The following MAGI2 variants were observed in gnomAD, a reference collection of about 807,000 sequenced individuals.
The protein encoded by MAGI2 is membrane-associated guanylate kinase, WW and PDZ domain-containing protein 2.
MAGI2 carries 35 observed loss-of-function variants against 133.3 expected under a neutral mutation model. The observed-to-expected ratio is 0.26, with a 90% CI of 0.20 to 0.35. The LOEUF is 0.35. MAGI2 is among the 10% of genes least tolerant of loss of function. MAGI2 has a pLI of 1.00. For synonymous variants in MAGI2, 729 were observed against 710.6 expected (o/e 1.03, Z -0.41); for missense variants, 1,636 against 1,863.4 (o/e 0.88, Z 2.25).
chr7:78,592,719 C>T (rs964309968), intron 3 of MAGI2, among the ~76,000 whole-genome samples: 5 of 151,518 alleles, frequency 3.3e-5, no homozygotes, highest in African/African-American at 7.3e-5. Context: ...GGAGGGAATG[C>T]GTGTCCATGA....
chr7:79,367,875 A>ATATATATATATATATATATG lies in MAGI2; in HGVS notation c.301+85144_301+85145insCATATATATATATATATATA, dbSNP rs1342246318. ...ATATGTGACATATATATATATATATATGTCATTGACTGGTCAGTCTTCTTC... is the reference window on the plus strand; with the variant it reads ...ATATGTGACATATATATATATATATATATATATATATATATATATGTGTCATTGACTGGTCAGTCTTCTTC... On this transcript the variant is annotated intron_variant, in intron 1 of 21. Coordinates refer to ENST00000354212, the MANE Select transcript of MAGI2 (RefSeq NM_012301.4). 4.7e-3 allele frequency among the ~76,000 whole-genome samples: 568 copies of ATATATATATATATATATATG among 121,968 alleles called. 40 individuals are homozygous for ATATATATATATATATATATG. The highest frequency in any genetic ancestry group is 6.2e-3 in the African/African-American group (178 of 28,836). The allele number at this position is 121,968 out of a possible 152,430, so 80.0% of individuals were successfully genotyped here.
At chr7:78,851,305 A>C (rs74622973) in intron 2 of MAGI2, among the ~76,000 whole-genome samples, 158 of 152,196 alleles carry the variant, frequency 1.0e-3, no homozygotes, top group African/African-American at 3.7e-3. Context: ...CTAAATGTCA[A>C]GGGCTTTAAG....
intron 2 of MAGI2, chr7:78,771,020 T>G (rs1208266981): frequency 1.3e-5 from 2 of 152,228 alleles, no homozygotes; most frequent in Non-Finnish European, 2.9e-5. Context: ...TCAACATGGA[T>G]GTCTAGAATT....
chr7:78,738,704 A>T (rs1406474854), intron 2 of MAGI2, among the ~76,000 whole-genome samples: 1 of 152,192 alleles, frequency 6.6e-6, no homozygotes, highest in Non-Finnish European at 1.5e-5. Context: ...GCTCAACTTC[A>T]ATATTGAGAA....
chr7:79,345,411 A>C (rs1391827289), intron 1 of MAGI2, among the ~76,000 whole-genome samples: 2 of 152,040 alleles, frequency 1.3e-5, no homozygotes, highest in Non-Finnish European at 2.9e-5. Context: ...TGATCTTGAA[A>C]TTCTGTTCTC....
intron 1 of MAGI2, among the ~76,000 whole-genome samples, chr7:79,072,524 A>G (rs1366679446): frequency 1.3e-5 from 2 of 152,186 alleles, no homozygotes; most frequent in Admixed American, 6.5e-5. Flanking sequence ...GAAGACTACT[A>G]TGTGGTTGAT....
rs371379968 is a variant in MAGI2, at chr7:78,716,634, T to C, written c.419-89395A>G. On this transcript the variant is annotated intron_variant, in intron 2 of 21. Coordinates refer to ENST00000354212, the MANE Select transcript of MAGI2 (RefSeq NM_012301.4). ...TTCAGAAAAGTGTGGTACATTCACA[T>C]TGCTGAGCACGCTGATTTTTATGGA... 9.5e-4 allele frequency among the ~76,000 whole-genome samples: 144 copies of C among 152,336 alleles called. 2 individuals carry two copies. The highest frequency in any genetic ancestry group is 3.1e-3 in the African/African-American group (130 of 41,576).
At chr7:78,985,295 T>G (rs1805157491) in intron 2 of MAGI2, among the ~76,000 whole-genome samples, 2 of 152,140 alleles carry the variant, frequency 1.3e-5, no homozygotes, top group African/African-American at 4.8e-5. Flanking sequence ...TACTTCAGTA[T>G]ATTTCTGTCC....
chr7:79,265,196 C>T (rs915763492), intron 1 of MAGI2, among the ~76,000 whole-genome samples: 1 of 152,150 alleles, frequency 6.6e-6, no homozygotes, highest in African/African-American at 2.4e-5. Context: ...CACCTGAGAA[C>T]TTGTTAAAAA....
chr7:78,674,832 T>G (rs997687129), intron 2 of MAGI2, among the ~76,000 whole-genome samples: 1 of 151,990 alleles, frequency 6.6e-6, no homozygotes, highest in South Asian at 2.1e-4. Flanking sequence ...CCAAAGAAAT[T>G]GAAATGGCAT....
At chr7:79,200,423 C>T (rs772179519) in intron 1 of MAGI2, among the ~76,000 whole-genome samples, 8 of 148,322 alleles carry the variant, frequency 5.4e-5, no homozygotes, top group African/African-American at 1.5e-4. Flanking sequence ...GGCAACATGG[C>T]GAAACCCCGT....
At chr7:79,226,371 A>T (rs531845846) in intron 1 of MAGI2, among the ~76,000 whole-genome samples, 3 of 152,224 alleles carry the variant, frequency 2.0e-5, no homozygotes, top group African/African-American at 7.2e-5. Flanking sequence ...TAGGCACCCC[A>T]ATCCCCATCA....
intron 2 of MAGI2, among the ~76,000 whole-genome samples, chr7:78,933,735 T>C (rs1470978712): frequency 6.6e-6 from 1 of 152,106 alleles, no homozygotes; most frequent in African/African-American, 2.4e-5. Context: ...TGGTGGTTTA[T>C]TGGAGAAAAT....
chr7:78,259,051 CTT>C (rs1297254554), intron 9 of MAGI2, among the ~76,000 whole-genome samples: 1 of 152,130 alleles, frequency 6.6e-6, no homozygotes, highest in East Asian at 1.9e-4. Context: ...TATTCTCAGA[CTT>C]AATTTTTACC....
At chr7:78,753,826 A>G (rs1231247955) in intron 2 of MAGI2, among the ~76,000 whole-genome samples, 1 of 152,184 alleles carries the variant, frequency 6.6e-6, no homozygotes, top group African/African-American at 2.4e-5. Flanking sequence ...AGAGGGAAGT[A>G]TGGTACAAAT....
intron 6 of MAGI2, among the ~76,000 whole-genome samples, chr7:78,379,943 C>T (rs1794769892): frequency 6.6e-6 from 1 of 151,518 alleles, no homozygotes; most frequent in African/African-American, 2.4e-5. Context: ...ACTCTTGGTC[C>T]AAAGAGGAAA....
At chr7:78,381,799 C>CTT (rs1409945996) in intron 6 of MAGI2, among the ~76,000 whole-genome samples, 1 of 152,144 alleles carries the variant, frequency 6.6e-6, no homozygotes, top group Non-Finnish European at 1.5e-5. Context: ...ACAACACACT[C>CTT]TTAGACAAGG....
rs539433173 is a variant in MAGI2, at chr7:78,885,425, T to A, written c.418+121665A>T. ...CAGAGTTAATGATGCTCCACGATGATCCTTTCAATGTGTCTTACACTATCC... is the reference window on the plus strand; with the variant it reads ...CAGAGTTAATGATGCTCCACGATGAACCTTTCAATGTGTCTTACACTATCC... On this transcript the variant is annotated intron_variant, in intron 2 of 21. Coordinates refer to ENST00000354212, the MANE Select transcript of MAGI2 (RefSeq NM_012301.4). Among the ~76,000 whole-genome samples the A allele has an allele frequency of 1.4e-4, 21 of 152,306 alleles. No individual in the cohort carries two copies. In the East Asian group the frequency reaches 4.1e-3, roughly 29 times the overall value.
chr7:78,231,760 G>A (rs1001488452), intron 10 of MAGI2, among the ~76,000 whole-genome samples: 21 of 152,260 alleles, frequency 1.4e-4, no homozygotes, highest in African/African-American at 5.1e-4. Context: ...ACAAAGGGAA[G>A]TCTTTGAAGG....
Sources: gnomAD v4.1 joint callset for allele counts (sites outside exome capture counted in the v4.1 genomes callset) on GRCh38, gnomAD v4.1.1 for gene constraint, MANE v1.5 for transcripts, NCBI Gene and HGNC (gene_info 2026-07-23, HGNC 2026-07-21) for gene names.